The following TMEM131 variants were observed in gnomAD, a reference collection of about 807,000 sequenced individuals.
The protein encoded by TMEM131 is 2610524E03Rik.
A neutral mutation model predicts 211.6 loss-of-function variants in TMEM131; 66 were observed. The ratio of observed to expected loss-of-function variants is 0.31; its 90% CI spans 0.26 to 0.38. The LOEUF (loss-of-function observed/expected upper bound fraction) is 0.38. Among genes scored for constraint, TMEM131 ranks in the 10% least tolerant of loss-of-function variants. The probability of loss-of-function intolerance (pLI) is 1.00; values close to 1 mark genes in which losing one functional copy is unlikely to be tolerated. For missense variants in TMEM131, 2,036 were observed against 2,299.3 expected, an observed-to-expected ratio of 0.89 and a Z score of 2.34; for synonymous variants, 844 against 841.3, an observed-to-expected ratio of 1.00 and a Z score of -0.06.
At chr2:97,806,152 GAA>G (rs1681286467) in intron 19 of TMEM131, among the ~76,000 whole-genome samples, 1 of 152,166 alleles carries the variant, frequency 6.6e-6, no homozygotes, top group African/African-American at 2.4e-5. Context: ...TTTTTTAAAA[GAA>G]AGTCTCTTCA....
At chr2:97,826,902 A>C (rs1178154557) in intron 11 of TMEM131, among the ~76,000 whole-genome samples, 1 of 152,056 alleles carries the variant, frequency 6.6e-6, no homozygotes, top group East Asian at 1.9e-4. Context: ...TCCTATCAAA[A>C]ATCCTTAACC....
intron 12 of TMEM131, 70 bp downstream of exon 12, chr2:97,818,543 G>T: frequency 2.1e-6 from 2 of 975,410 alleles, no homozygotes; most frequent in Non-Finnish European, 3.1e-6. Flanking sequence ...ATATTAAGAC[G>T]TTAATACAGA....
intron 1 of TMEM131, among the ~76,000 whole-genome samples, chr2:97,961,852 G>A (rs1297275126): frequency 1.3e-5 from 2 of 152,134 alleles, no homozygotes; most frequent in African/African-American, 2.4e-5. Flanking sequence ...GTGAACTTAC[G>A]GGAAATTGTA....
Position 97,812,506 on chromosome 2 carries a change from A to G in TMEM131, c.1778T>C (p.Leu593Pro). The change falls in exon 17 of 41, where the codon CTT becomes CCT. Residue 593 changes from leucine (L) to proline (P), a missense_variant. This residue lies in a region of TMEM131 where 1,623 missense variants were observed against 1,805.9 expected (regional missense o/e 0.90). Transcript: ENST00000186436. ...HIIGDGLSIELVAVERGNRTT... is the reference protein window; with the variant it reads ...HIIGDGLSIEPVAVERGNRTT... Reference sequence around the variant, plus strand: ...TCTATTGCCTCTTTCCACAGCTACAAGTTCTATTGATAAACCGTCTCCTAT... The same window carrying G: ...TCTATTGCCTCTTTCCACAGCTACAGGTTCTATTGATAAACCGTCTCCTAT... The G allele has an allele frequency of 6.2e-7, 1 of 1,612,680 alleles. No homozygotes were observed. The highest frequency in any genetic ancestry group is 1.1e-5 in the South Asian group (1 of 90,714).
At chr2:97,872,045 G>T (rs1158603808) in intron 4 of TMEM131, among the ~76,000 whole-genome samples, 1 of 151,108 alleles carries the variant, frequency 6.6e-6, no homozygotes, top group African/African-American at 2.4e-5. Flanking sequence ...AAAAGAGGGG[G>T]AGGGAAAGGG....
At chr2:97,846,196 A>C (rs1328466294) in intron 5 of TMEM131, among the ~76,000 whole-genome samples, 1 of 152,232 alleles carries the variant, frequency 6.6e-6, no homozygotes, top group Non-Finnish European at 1.5e-5. Context: ...CATACAGGAG[A>C]GAACATTCCT....
chr2:97,949,780 A>G (rs1011451221), intron 1 of TMEM131, among the ~76,000 whole-genome samples: 1 of 135,614 alleles, frequency 7.4e-6, no homozygotes, highest in Non-Finnish European at 1.5e-5. Flanking sequence ...AGACCATGCC[A>G]CCGCACTCCA....
At chr2:97,818,436 CAAGT>C (rs1681938492) in intron 12 of TMEM131, among the ~76,000 whole-genome samples, 173 bp downstream of exon 12, 1 of 115,862 alleles carries the variant, frequency 8.6e-6, no homozygotes, top group Admixed American at 1.3e-4. Context: ...ATGAATCAAT[CAAGT>C]AAGAGTTCAT....
chr2:97,838,750 G>A (rs903977045), intron 7 of TMEM131, among the ~76,000 whole-genome samples: 3 of 152,096 alleles, frequency 2.0e-5, no homozygotes, highest in African/African-American at 7.2e-5. Context: ...GACCCTTAAA[G>A]GTTTTTTTTG....
intron 1 of TMEM131, among the ~76,000 whole-genome samples, chr2:97,976,122 C>T (rs1679522851): frequency 6.6e-6 from 1 of 152,102 alleles, no homozygotes; most frequent in Admixed American, 6.5e-5. Context: ...AGACTGAATG[C>T]TTCCCCCCTA....
chr2:97,792,924 T>C lies in TMEM131; in HGVS notation c.3606A>G (p.Ser1202=), dbSNP rs998784136. Residue 1202 remains serine (S), a synonymous_variant, in exon 31 of 41, where the codon TCA becomes TCG. Transcript: ENST00000186436. ...GACTCCCGGCACTGGGTCGGGATGA[T>C]GAACCGCCTGCTCCACAGAACCCCC... is the stretch of plus-strand genomic sequence containing the variant. ...HSRGFCGAGG[S]SSRPSAGSHK... 3.7e-6 allele frequency: 6 copies of C among 1,611,260 alleles called. No individual in the cohort carries two copies. Among genetic ancestry groups the C allele is most frequent in the Non-Finnish European group, 5.1e-6 (6 of 1,179,190 alleles).
chr2:97,806,063 G>T (rs1251243467), intron 19 of TMEM131, among the ~76,000 whole-genome samples: 1 of 152,184 alleles, frequency 6.6e-6, no homozygotes, highest in Non-Finnish European at 1.5e-5. Flanking sequence ...GGTAAGCAAG[G>T]TTTGTTTACA....
At position 97,969,086 on chromosome 2, in the gene TMEM131, C is replaced by CAAA. The variant is rs397698283; in HGVS notation, c.187+26387_187+26389dup. 8.0e-4 allele frequency among the ~76,000 whole-genome samples: 113 copies of CAAA among 140,968 alleles called. No homozygotes were observed. In the East Asian group the frequency reaches 0.016, roughly 20 times the overall value. 92.5% of individuals were successfully genotyped at this position (140,968 alleles called of 152,430 possible). A position where few individuals can be genotyped will look rare whatever the true frequency, so the allele number is the denominator to read the frequency against. On this transcript the variant is annotated intron_variant, in intron 1 of 40. Transcript: ENST00000186436. ...TGGGTGACAGAGACAGACTCTGTTT[C>CAAA]AAAAAAAAAAAAAGGAAAAGGATAT...
intron 3 of TMEM131, 85 bp from the exon 4 acceptor site, chr2:97,888,205 C>T (rs1559426042): frequency 1.8e-6 from 2 of 1,121,886 alleles, no homozygotes; most frequent in Non-Finnish European, 2.5e-6. Flanking sequence ...TGACTTTTGT[C>T]ATAACAATGC....
intron 5 of TMEM131, among the ~76,000 whole-genome samples, chr2:97,848,701 G>C (rs1418264496): frequency 6.6e-6 from 1 of 151,872 alleles, no homozygotes; most frequent in African/African-American, 2.4e-5. Flanking sequence ...CACAGGGCCA[G>C]CTGTACTTCT....
Position 97,812,743 on chromosome 2 carries a change from C to A in TMEM131, c.1624G>T (p.Val542Leu). The change falls in exon 16 of 41, where the codon GTA becomes TTA. Residue 542 changes from valine to leucine, a missense_variant. Coordinates refer to ENST00000186436, the MANE Select transcript of TMEM131 (RefSeq NM_015348.2). ...RVYTGFLDYF[V>L]LPPKIEERFI... Reference sequence around the variant, plus strand: ...CGTTCCTCTATTTTGGGGGGCAATACAAAGTACTGGAAAGATATAAAAGAA... The same window carrying A: ...CGTTCCTCTATTTTGGGGGGCAATAAAAAGTACTGGAAAGATATAAAAGAA... The A allele has an allele frequency of 6.4e-7, 1 of 1,551,890 alleles. No homozygotes were observed. Among genetic ancestry groups the A allele is most frequent in the Non-Finnish European group, 8.7e-7 (1 of 1,145,336 alleles).
At chr2:97,845,299 A>G (rs1370659611) in intron 5 of TMEM131, among the ~76,000 whole-genome samples, 1 of 152,112 alleles carries the variant, frequency 6.6e-6, no homozygotes, top group East Asian at 1.9e-4. Context: ...CAGGAGTGTC[A>G]GCTAGAAATG....
chr2:97,833,529 A>C (rs1682803499), intron 10 of TMEM131, 103 bp from the exon 11 acceptor site: 2 of 616,500 alleles, frequency 3.2e-6, no homozygotes, highest in South Asian at 3.7e-5. Flanking sequence ...CAATTTGTGA[A>C]ATACAATGAC....
intron 33 of TMEM131, among the ~76,000 whole-genome samples, chr2:97,769,761 C>G (rs529274542): frequency 1.1e-3 from 167 of 152,350 alleles, no homozygotes; most frequent in African/African-American, 3.9e-3. Flanking sequence ...TCTGCAGAAA[C>G]CTTCAGTGCC....
Sources: allele counts gnomAD v4.1 joint callset (sites outside exome capture counted in the v4.1 genomes callset), GRCh38; gene constraint gnomAD v4.1.1; regional missense constraint gnomAD v4.1.1; transcripts MANE v1.5; gene names NCBI Gene and HGNC (gene_info 2026-07-23, HGNC 2026-07-21).